Variants in AIMP1 observed in about 807,000 individuals in gnomAD.
AIMP1 encodes aminoacyl tRNA synthase complex-interacting multifunctional protein 1.
AIMP1 carries 24 observed loss-of-function variants against 33.1 expected under a neutral mutation model. The observed-to-expected ratio is 0.73, with a 90% CI of 0.53 to 1.02. AIMP1 has a LOEUF of 1.02. AIMP1 is among the 50% of genes least tolerant of loss of function. The pLI is 0.00. For missense variants in AIMP1, 367 were observed against 364.8 expected (o/e 1.01, Z -0.05); for synonymous variants, 120 against 121.5 (o/e 0.99, Z 0.08).
chr4:106,327,106 A>G (rs1167638844), intron 2 of AIMP1, among the ~76,000 whole-genome samples: 2 of 152,200 alleles, frequency 1.3e-5, no homozygotes, highest in African/African-American at 4.8e-5. Flanking sequence ...CTTTTGTGCC[A>G]GCTTCTTAAG....
chr4:106,331,217 A>G (rs1007928085), intron 4 of AIMP1, among the ~76,000 whole-genome samples: 4 of 152,196 alleles, frequency 2.6e-5, no homozygotes, highest in Non-Finnish European at 5.9e-5. Flanking sequence ...TCACCTTCCA[A>G]AGAGCCATAG....
intron 1 of AIMP1, among the ~76,000 whole-genome samples, chr4:106,318,340 T>A (rs1055769840): frequency 5.9e-5 from 9 of 152,170 alleles, no homozygotes. Flanking sequence ...CTAGCAGGAA[T>A]TTTCACCTAG....
chr4:106,336,830 C>T, intron 5 of AIMP1, 39 bp from the exon 6 acceptor site: 1 of 1,582,454 alleles, frequency 6.3e-7, no homozygotes, highest in Non-Finnish European at 8.7e-7. Context: ...TAGGCTTAAT[C>T]TGTGTACATC....
chr4:106,321,585 A>G, intron 1 of AIMP1: 1 of 145,320 alleles, frequency 6.9e-6, no homozygotes, highest in Non-Finnish European at 1.5e-5. Flanking sequence ...GGTGGGGGGC[A>G]GCCCCCGCCC....
intron 2 of AIMP1, 48 bp downstream of exon 2, chr4:106,325,166 A>T: frequency 6.8e-7 from 1 of 1,472,826 alleles, no homozygotes; most frequent in Admixed American, 1.8e-5. Flanking sequence ...ATGAATTCAT[A>T]CATTGATGGA....
intron 3 of AIMP1, 141 bp from the exon 4 acceptor site, chr4:106,327,935 G>A (rs1224179833): frequency 1.5e-6 from 2 of 1,314,360 alleles, no homozygotes; most frequent in Admixed American, 4.6e-5. Context: ...CCATTTTATA[G>A]TCTCAGACAG....
chr4:106,328,831 T>C (rs1232149730), intron 4 of AIMP1, among the ~76,000 whole-genome samples: 2 of 152,206 alleles, frequency 1.3e-5, no homozygotes, highest in Admixed American at 6.5e-5. Flanking sequence ...AGCTCTGCTC[T>C]TTCTTTTCAT....
At chr4:106,335,339 A>G (rs940256114) in intron 5 of AIMP1, among the ~76,000 whole-genome samples, 16 of 152,084 alleles carry the variant, frequency 1.1e-4, no homozygotes, top group Admixed American at 3.9e-4. Context: ...TAAGTTGTAG[A>G]CTATTTTTTC....
In AIMP1 at chr4:106,327,530, A is replaced by G. The variant is rs1487104801; in HGVS notation, c.189A>G (p.Lys63=). Residue 63 remains lysine (K), a synonymous_variant, in exon 3 of 7, where the codon AAA becomes AAG. Coordinates refer to ENST00000672341, the MANE Select transcript of AIMP1 (RefSeq NM_001142416.2). The stretch of plus-strand genomic sequence containing the variant: ...TGAAGAAAGAAATTGAAGAACTGAA[A>G]CAAGAGCTAATTCAGGCAGAAATTC... The part of the protein sequence containing the change: ...AKLKKEIEEL[K]QELIQAEIQN... The G allele has an allele frequency of 1.9e-6, 3 of 1,612,726 alleles. No individual in the cohort carries two copies. The highest frequency in any genetic ancestry group is 1.7e-4 in the Middle Eastern group (1 of 6,048).
At chr4:106,321,964 A>G (rs1406181523) in intron 1 of AIMP1, among the ~76,000 whole-genome samples, 1 of 131,644 alleles carries the variant, frequency 7.6e-6, no homozygotes, top group Non-Finnish European at 1.7e-5. Flanking sequence ...GCTCTCTGAA[A>G]CATGTGCTGT....
intron 1 of AIMP1, among the ~76,000 whole-genome samples, chr4:106,319,295 G>A (rs900611555): frequency 1.3e-5 from 2 of 152,102 alleles, no homozygotes; most frequent in Admixed American, 6.5e-5. Flanking sequence ...GGGTGGGGAG[G>A]ACTACTGAGG....
chr4:106,327,082 G>C (rs1769481681), intron 2 of AIMP1, among the ~76,000 whole-genome samples: 1 of 152,144 alleles, frequency 6.6e-6, no homozygotes, highest in African/African-American at 2.4e-5. Context: ...ACTACACCTG[G>C]CCACATATTG....
intron 5 of AIMP1, among the ~76,000 whole-genome samples, chr4:106,336,134 G>A (rs1769869249): frequency 7.3e-6 from 1 of 137,100 alleles, no homozygotes; most frequent in African/African-American, 2.7e-5. Flanking sequence ...CCAGGCTCAA[G>A]CGATCCTTCC....
At chr4:106,320,783 C>T (rs1769188433) in intron 1 of AIMP1, among the ~76,000 whole-genome samples, 1 of 152,164 alleles carries the variant, frequency 6.6e-6, no homozygotes, top group South Asian at 2.1e-4. Flanking sequence ...CGCACCGTCT[C>T]CCTCTGATGC....
chr4:106,329,772 C>CCTTTTTTTTTTTTTTTTTTTTT (rs1554000880), intron 4 of AIMP1, among the ~76,000 whole-genome samples: 3 of 53,062 alleles, frequency 5.7e-5, no homozygotes, highest in Non-Finnish European at 7.5e-5. Flanking sequence ...TGCTACATAT[C>CCTTTTTTTTTTTTTTTTTTTTT]TTTTTTTTTT....
Position 106,347,717 on chromosome 4 carries a change from TAG to T in AIMP1, c.*29_*30del. On this transcript the variant is annotated 3_prime_UTR_variant, in exon 7 of 7. Transcript: ENST00000672341. ...AAATGCTTCCACTACCAAAAGACAT[TAG>T]AGAAAACCTTAAAAGTAATAAAGAG... 1 of 1,606,726 alleles carries T rather than the reference TAG, an allele frequency of 6.2e-7. No individual in the cohort carries two copies. Among genetic ancestry groups the T allele is most frequent in the African/African-American group, 1.3e-5 (1 of 74,750 alleles).
intron 1 of AIMP1, 90 bp from the exon 2 acceptor site, chr4:106,324,895 T>C (rs1160939207): frequency 1.8e-6 from 2 of 1,086,020 alleles, no homozygotes; most frequent in African/African-American, 1.6e-5. Context: ...GTAGAAAATG[T>C]TTTTCCTTTC....
intron 1 of AIMP1, chr4:106,321,465 C>T (rs1769234363): frequency 6.4e-6 from 1 of 156,992 alleles, no homozygotes; most frequent in Non-Finnish European, 1.4e-5. Context: ...AGGAGCGTCT[C>T]TGACCGGCTG....
At chr4:106,324,307 T>C (rs953782071) in intron 1 of AIMP1, among the ~76,000 whole-genome samples, 10 of 151,998 alleles carry the variant, frequency 6.6e-5, no homozygotes, top group Non-Finnish European at 1.3e-4. Flanking sequence ...TTTCTTAGTA[T>C]GTGGCAGTTT....
Sources: allele counts gnomAD v4.1 joint callset (sites outside exome capture counted in the v4.1 genomes callset), GRCh38; gene constraint gnomAD v4.1.1; transcripts MANE v1.5; gene names NCBI Gene and HGNC (gene_info 2026-07-23, HGNC 2026-07-21).